Variants in DSE observed in about 807,000 individuals in gnomAD.
The protein encoded by DSE is dermatan-sulfate epimerase.
Under a neutral mutation model 84.4 loss-of-function variants are expected in DSE, and 36 were observed. That is an observed-to-expected ratio of 0.43 (90% confidence interval 0.33 to 0.56). The LOEUF is 0.56. Ranked by LOEUF, DSE falls within the 20% of genes least tolerant of loss-of-function variation. DSE has a pLI of 0.06. For synonymous variants in DSE, 410 were observed against 430.1 expected (o/e 0.95, Z 0.58); for missense variants, 862 against 1,169.6 (o/e 0.74, Z 3.84).
chr6:116,326,870 A>G (rs1041800118), intron 2 of DSE, among the ~76,000 whole-genome samples: 3 of 152,228 alleles, frequency 2.0e-5, no homozygotes, highest in Non-Finnish European at 2.9e-5. Flanking sequence ...TAGTAGAACA[A>G]TCTATAAAGA....
chr6:116,416,547 T>C (rs1407305499), intron 2 of DSE, among the ~76,000 whole-genome samples: 2 of 152,098 alleles, frequency 1.3e-5, no homozygotes, highest in Admixed American at 1.3e-4. Context: ...GGTATATTTT[T>C]GATGTTGTGT....
At chr6:116,289,032 G>C (rs9372458) in intron 2 of DSE, among the ~76,000 whole-genome samples, 44,658 of 151,804 alleles carry the variant, frequency 0.29, 7,209 homozygotes, top group East Asian at 0.65. Context: ...ATATTATGTT[G>C]CTTCACTATA....
chr6:116,262,918 G>C (rs888588710), intron 2 of DSE, among the ~76,000 whole-genome samples: 1 of 152,054 alleles, frequency 6.6e-6, no homozygotes, highest in Admixed American at 6.6e-5. Flanking sequence ...GTAACTGTAT[G>C]GTTTTGAGTG....
At chr6:116,331,179 T>A (rs1776911416) in intron 2 of DSE, among the ~76,000 whole-genome samples, 1 of 152,196 alleles carries the variant, frequency 6.6e-6, no homozygotes, top group Non-Finnish European at 1.5e-5. Flanking sequence ...ATAGAAATAC[T>A]GAAAACTTTC....
chr6:116,279,278 C>A, intron 2 of DSE: 3 of 1,578,150 alleles, frequency 1.9e-6, no homozygotes, highest in African/African-American at 1.6e-5. Flanking sequence ...TCCTCCATTA[C>A]CTCCTTCTCC....
At chr6:116,293,857 G>A (rs1774472357) in intron 2 of DSE, among the ~76,000 whole-genome samples, 1 of 151,712 alleles carries the variant, frequency 6.6e-6, no homozygotes, top group African/African-American at 2.4e-5. Flanking sequence ...CTCCAGCCTG[G>A]GTGACAGAAT....
At chr6:116,423,090 A>C (rs1053121054) in intron 2 of DSE, 1 of 152,120 alleles carries the variant, frequency 6.6e-6, no homozygotes, top group Non-Finnish European at 1.5e-5. Context: ...CTTTACATTT[A>C]TTTCTTTTCC....
intron 2 of DSE, among the ~76,000 whole-genome samples, chr6:116,426,021 AC>A (rs1783427994): frequency 6.6e-6 from 1 of 152,240 alleles, no homozygotes; most frequent in Non-Finnish European, 1.5e-5. Context: ...GCTCCCACTC[AC>A]GTTTGCCACG....
intron 2 of DSE, among the ~76,000 whole-genome samples, chr6:116,345,294 C>A (rs1777882568): frequency 6.6e-6 from 1 of 152,318 alleles, no homozygotes; most frequent in South Asian, 2.1e-4. Flanking sequence ...GAGCTCTTCA[C>A]CCCAAATCAA....
At chr6:116,416,245 A>G (rs1402776796) in intron 2 of DSE, among the ~76,000 whole-genome samples, 2 of 152,078 alleles carry the variant, frequency 1.3e-5, no homozygotes, top group Admixed American at 6.6e-5. Context: ...AAGGTTTTAA[A>G]TCATATCTAC....
At chr6:116,388,774 A>G (rs969259713) in intron 1 of DSE, among the ~76,000 whole-genome samples, 2 of 152,148 alleles carry the variant, frequency 1.3e-5, no homozygotes, top group Non-Finnish European at 2.9e-5. Context: ...TTTTATTAGT[A>G]TGGTGAATCA....
chr6:116,329,460 A>G (rs1776811741), intron 2 of DSE, among the ~76,000 whole-genome samples: 1 of 152,228 alleles, frequency 6.6e-6, no homozygotes, highest in African/African-American at 2.4e-5. Flanking sequence ...TCAACAGCAG[A>G]AATATTTGAA....
chr6:116,369,599 C>T (rs948708645), upstream of DSE, among the ~76,000 whole-genome samples: 2 of 152,152 alleles, frequency 1.3e-5, no homozygotes, highest in African/African-American at 4.8e-5. Context: ...GGATTTGAAC[C>T]AAAGATTAGT....
In DSE at chr6:116,436,148, C is replaced by G. The variant is rs777483802; in HGVS notation, c.1680C>G (p.Leu560=). ...NLKNVQRNLI[L]LHPQLLLLVD... is the part of the protein sequence containing the mutation. ...AGAATGTTCAGAGGAATCTCATCCT[C>G]CTACATCCACAGCTGCTTCTCCTTG... is the stretch of plus-strand genomic sequence containing the variant. The change falls in exon 6 of 6, where the codon CTC becomes CTG. Residue 560 remains leucine (L), a synonymous_variant. Transcript: ENST00000644252. 6.2e-7 allele frequency: 1 copy of G among 1,613,106 alleles called. No individual in the cohort carries two copies. Among genetic ancestry groups the G allele is most frequent in the East Asian group, 2.2e-5 (1 of 44,876 alleles).
chr6:116,370,819 A>G (rs1562260611), upstream of DSE: 1 of 985,078 alleles, frequency 1.0e-6, no homozygotes, highest in Non-Finnish European at 1.2e-6. Context: ...CCCTCTCCTC[A>G]TCCTCGTCTC....
rs1784523585 is a variant in DSE, at chr6:116,444,566, CCTCTCAAAATTAA to C, written c.*7222_*7234del. The C allele has an allele frequency of 6.6e-6, 1 of 152,104 alleles. No homozygotes were observed. Among genetic ancestry groups the C allele is most frequent in the African/African-American group, 2.4e-5 (1 of 41,410 alleles). The allele number at this position is 152,104 out of a possible 1,614,324, so 9.4% of individuals were successfully genotyped here. ...CTTGCTGCAGACTGAATGTTTGCCT[CCTCTCAAAATTAA>C]TATGTTGAAACCTAATCCTTAATGT... On this transcript the variant is annotated 3_prime_UTR_variant, in exon 6 of 6. Coordinates refer to ENST00000644252, the MANE Select transcript of DSE (RefSeq NM_013352.4).
intron 1 of DSE, chr6:116,257,464 T>C (rs1772193753): frequency 6.6e-6 from 1 of 152,264 alleles, no homozygotes; most frequent in Non-Finnish European, 1.5e-5. Flanking sequence ...ATGTTGAACT[T>C]TCTTCTTTAT....
chr6:116,413,802 A>T (rs2115030777), intron 2 of DSE, among the ~76,000 whole-genome samples: 1 of 152,360 alleles, frequency 6.6e-6, no homozygotes, highest in African/African-American at 2.4e-5. Flanking sequence ...CACGTATGCT[A>T]GCTCCTCCAG....
At chr6:116,349,547 A>C (rs1405881446) in intron 2 of DSE, among the ~76,000 whole-genome samples, 1 of 152,218 alleles carries the variant, frequency 6.6e-6, no homozygotes, top group Non-Finnish European at 1.5e-5. Context: ...CTGTGACTAC[A>C]GCCTCAGACT....
Sources: gnomAD v4.1 joint callset for allele counts (sites outside exome capture counted in the v4.1 genomes callset) on GRCh38, gnomAD v4.1.1 for gene constraint, MANE v1.5 for transcripts, NCBI Gene and HGNC (gene_info 2026-07-23, HGNC 2026-07-21) for gene names.